The following RBFOX1 variants were observed in gnomAD, a reference collection of about 807,000 sequenced individuals.
The protein encoded by RBFOX1 is RNA binding protein fox-1 homolog 1.
RBFOX1 carries 8 observed loss-of-function variants against 57.7 expected under a neutral mutation model. That is an observed-to-expected ratio of 0.14 (90% CI 0.08 to 0.25). RBFOX1 has a LOEUF of 0.25. Among genes scored for constraint, RBFOX1 ranks in the 10% least tolerant of loss-of-function variants. The pLI, the probability that RBFOX1 is intolerant of heterozygous loss-of-function variation, is 1.00. For missense variants in RBFOX1, 611 were observed against 548.5 expected, an observed-to-expected ratio of 1.11 and a Z score of -1.14; for synonymous variants, 326 against 222.4, an observed-to-expected ratio of 1.47 and a Z score of -4.15.
intron 2 of RBFOX1, among the ~76,000 whole-genome samples, chr16:6,500,414 A>G (rs2095877214): frequency 6.6e-6 from 1 of 152,178 alleles, no homozygotes; most frequent in African/African-American, 2.4e-5. Flanking sequence ...CATTTATATG[A>G]TATTGTTAAG....
At chr16:6,997,656 A>G (rs974470722) in intron 3 of RBFOX1, among the ~76,000 whole-genome samples, 1 of 152,166 alleles carries the variant, frequency 6.6e-6, no homozygotes, top group Non-Finnish European at 1.5e-5. Flanking sequence ...TCTCTTTGTC[A>G]GGGTATTGTT....
chr16:6,869,267 T>A (rs750840738), intron 3 of RBFOX1, among the ~76,000 whole-genome samples: 6 of 152,158 alleles, frequency 3.9e-5, no homozygotes, highest in Non-Finnish European at 7.3e-5. Flanking sequence ...TCAATATGTT[T>A]CTCATAAGAA....
At position 6,673,821 on chromosome 16, in the gene RBFOX1, ATGATAGCCAAGACAGTG is replaced by A. The variant is rs2098783427; in HGVS notation, c.-16+19172_-16+19188del. On this transcript the variant is annotated intron_variant, in intron 3 of 15. Coordinates refer to ENST00000550418, the MANE Select transcript of RBFOX1 (RefSeq NM_018723.4). ...GCAGGTGTACATTTCTGGACAGAGA[ATGATAGCCAAGACAGTG>A]CTAGAGAGAAAAGTAGTTACAGATA... Among the ~76,000 whole-genome samples the A allele has an allele frequency of 5.3e-5, 8 of 152,280 alleles. No individual in the cohort carries two copies. The South Asian group carries it at 1.7e-3, about 32-fold the overall frequency.
intron 4 of RBFOX1, among the ~76,000 whole-genome samples, chr16:7,057,542 C>T (rs953866969): frequency 7.9e-5 from 12 of 152,156 alleles, no homozygotes; most frequent in South Asian, 4.1e-4. Context: ...AGTGCATCCT[C>T]GTTACAAATT....
At chr16:7,152,449 C>T (rs2076282913) in intron 4 of RBFOX1, among the ~76,000 whole-genome samples, 1 of 152,214 alleles carries the variant, frequency 6.6e-6, no homozygotes, top group Non-Finnish European at 1.5e-5. Context: ...TAATGGTTAT[C>T]ATAGTTCAAA....
chr16:7,140,672 T>C (rs2073512324), intron 4 of RBFOX1, among the ~76,000 whole-genome samples: 2 of 152,164 alleles, frequency 1.3e-5, no homozygotes, highest in African/African-American at 2.4e-5. Flanking sequence ...TGTGAAACGC[T>C]GAAAGCAGAA....
At chr16:7,662,195 C>A (rs559285959) in intron 12 of RBFOX1, among the ~76,000 whole-genome samples, 2 of 152,180 alleles carry the variant, frequency 1.3e-5, no homozygotes, top group Admixed American at 6.5e-5. Flanking sequence ...TGAGGTTCCA[C>A]CATTGAGATC....
chr16:5,841,426 G>A (rs531915444), intron 3 of RBFOX1, among the ~76,000 whole-genome samples: 4 of 152,150 alleles, frequency 2.6e-5, no homozygotes, highest in South Asian at 4.2e-4. Context: ...TCTTCTTCCC[G>A]AGAGCAAGGG....
intron 4 of RBFOX1, among the ~76,000 whole-genome samples, chr16:5,881,268 A>C (rs1366152750): frequency 6.6e-6 from 1 of 152,164 alleles, no homozygotes; most frequent in Non-Finnish European, 1.5e-5. Flanking sequence ...ATTATGTTTG[A>C]TTTTGTTGCA....
intron 1 of RBFOX1, among the ~76,000 whole-genome samples, chr16:6,199,511 C>A (rs1475311502): frequency 6.6e-6 from 1 of 152,154 alleles, no homozygotes; most frequent in Non-Finnish European, 1.5e-5. Flanking sequence ...AAGGTCTAAT[C>A]CTGAGTGACT....
rs905718810 is a variant in RBFOX1, at chr16:5,384,283, TGTAGCAGCAGCA to T, written c.220-82919_220-82908del. On this transcript the variant is annotated intron_variant, in intron 1 of 2. Transcript: ENST00000585867. ...GAAAGTGGGAAGGAAAGTCAAGGCT[TGTAGCAGCAGCA>T]GTAGCAGCAGCAGCGAATCATCTCA... Among the ~76,000 whole-genome samples the T allele has an allele frequency of 3.2e-3, 490 of 152,306 alleles. 6 individuals are homozygous for T. The highest frequency in any genetic ancestry group is 0.011 in the African/African-American group (473 of 41,556).
intron 4 of RBFOX1, among the ~76,000 whole-genome samples, chr16:5,874,732 C>A (rs1217000680): frequency 2.6e-5 from 4 of 152,046 alleles, no homozygotes; most frequent in Admixed American, 1.3e-4. Context: ...ATCACTTGAA[C>A]CAGGAGTTTG....
chr16:6,966,749 A>G (rs74010404), intron 3 of RBFOX1, among the ~76,000 whole-genome samples: 3,473 of 147,224 alleles, frequency 0.024, 137 homozygotes, highest in African/African-American at 0.084. Flanking sequence ...GCCTGCCTCT[A>G]TCTGTCTGTC....
intron 3 of RBFOX1, among the ~76,000 whole-genome samples, chr16:5,856,199 A>ATG (rs2057036795): frequency 2.2e-5 from 1 of 44,694 alleles, no homozygotes; most frequent in African/African-American, 6.7e-5. Context: ...ATATATATAT[A>ATG]TATATATACA....
intron 4 of RBFOX1, among the ~76,000 whole-genome samples, chr16:5,966,095 C>A (rs17138988): frequency 0.021 from 3,207 of 152,164 alleles, 123 homozygotes; most frequent in African/African-American, 0.072. Context: ...TTCAGATGTA[C>A]TATATTTTAT....
At chr16:5,393,129 A>C (rs187347461) in intron 1 of RBFOX1, among the ~76,000 whole-genome samples, 1 of 152,174 alleles carries the variant, frequency 6.6e-6, no homozygotes, top group East Asian at 1.9e-4. Flanking sequence ...ACCTAGAGTG[A>C]TGGAAATGGA....
At chr16:7,242,217 G>C (rs528436107) in intron 4 of RBFOX1, among the ~76,000 whole-genome samples, 9 of 152,150 alleles carry the variant, frequency 5.9e-5, no homozygotes, top group Non-Finnish European at 1.0e-4. Context: ...CTGTCTCCTA[G>C]TTTATCCCCA....
chr16:5,982,428 C>G (rs573525875), intron 4 of RBFOX1, among the ~76,000 whole-genome samples: 8 of 152,220 alleles, frequency 5.3e-5, no homozygotes, highest in Admixed American at 5.2e-4. Flanking sequence ...GCACCCACCA[C>G]CACACCCAGC....
rs1226602275 is a variant in RBFOX1 at position 5,545,093 on chromosome 16, C to A, written c.259-53809C>A. ...CTGGGTTCAAGTGATTCTTCTGCCTCAGCCTTCCGAGTAGCTGGGATTACA... is the reference window on the plus strand; with the variant it reads ...CTGGGTTCAAGTGATTCTTCTGCCTAAGCCTTCCGAGTAGCTGGGATTACA... On this transcript the variant is annotated intron_variant, in intron 2 of 2. Transcript: ENST00000585867. Among the ~76,000 whole-genome samples, 3 of 151,346 alleles carry A rather than the reference C, an allele frequency of 2.0e-5. No homozygotes were observed. In the South Asian group the frequency reaches 6.2e-4, roughly 31 times the overall value.
Sources: allele counts gnomAD v4.1 joint callset (sites outside exome capture counted in the v4.1 genomes callset), GRCh38; gene constraint gnomAD v4.1.1; transcripts MANE v1.5; gene names NCBI Gene and HGNC (gene_info 2026-07-23, HGNC 2026-07-21).